CDK8: variants seen among roughly 807,000 people sequenced by gnomAD.
CDK8 encodes cyclin dependent kinase 8, also known as cyclin-dependent kinase 8.
A neutral mutation model predicts 71.5 loss-of-function variants in CDK8; 29 were observed. That is an observed-to-expected ratio of 0.41 (90% CI 0.30 to 0.55). The LOEUF (loss-of-function observed/expected upper bound fraction) is 0.55, where lower values mean the gene tolerates loss of function less well. CDK8 is among the 20% of genes least tolerant of loss of function. The pLI, the probability that CDK8 is intolerant of heterozygous loss-of-function variation, is 0.37. For synonymous variants in CDK8, 161 were observed against 192.1 expected (o/e 0.84, Z 1.34); for missense variants, 288 against 572.6 (o/e 0.50, Z 5.07).
At chr13:26,321,947 A>T (rs577050663) in intron 1 of CDK8, among the ~76,000 whole-genome samples, 9 of 152,182 alleles carry the variant, frequency 5.9e-5, no homozygotes, top group Non-Finnish European at 1.2e-4. Context: ...TATATAAATA[A>T]TTGCAGAGCG....
intron 1 of CDK8, among the ~76,000 whole-genome samples, chr13:26,334,593 T>G (rs1171534721): frequency 6.6e-6 from 1 of 152,142 alleles, no homozygotes; most frequent in Non-Finnish European, 1.5e-5. Flanking sequence ...AAAACAAATT[T>G]TTTTCCAGAA....
chr13:26,271,000 A>G (rs1275071590), intron 1 of CDK8, among the ~76,000 whole-genome samples: 1 of 152,146 alleles, frequency 6.6e-6, no homozygotes, highest in Non-Finnish European at 1.5e-5. Context: ...CTTTTTGATA[A>G]TAGACATCCT....
intron 1 of CDK8, among the ~76,000 whole-genome samples, chr13:26,263,769 C>A (rs1183298998): frequency 7.9e-6 from 1 of 127,284 alleles, no homozygotes; most frequent in Non-Finnish European, 1.6e-5. Context: ...TTTTTCGAGA[C>A]GGAGTCTCGC....
chr13:26,286,416 G>A (rs1873023380), intron 1 of CDK8, among the ~76,000 whole-genome samples: 1 of 152,122 alleles, frequency 6.6e-6, no homozygotes, highest in Admixed American at 6.5e-5. Context: ...ATGGGGAAAG[G>A]ACATCCCATT....
chr13:26,342,507 A>AT (rs1165198866), intron 2 of CDK8, among the ~76,000 whole-genome samples: 1 of 152,174 alleles, frequency 6.6e-6, no homozygotes, highest in African/African-American at 2.4e-5. Context: ...CAGTTTTCCC[A>AT]TTTGTAAAAT....
intron 1 of CDK8, among the ~76,000 whole-genome samples, chr13:26,300,289 G>A (rs886584487): frequency 6.6e-6 from 1 of 152,034 alleles, no homozygotes; most frequent in African/African-American, 2.4e-5. Context: ...TGATAACCAA[G>A]ACAGCTACTA....
intron 1 of CDK8, among the ~76,000 whole-genome samples, chr13:26,280,691 C>T (rs1055148612): frequency 4.6e-5 from 7 of 152,168 alleles, no homozygotes; most frequent in African/African-American, 1.4e-4. Context: ...TATTGATATG[C>T]GAGATTTCCT....
chr13:26,318,502 T>C (rs939190284), intron 1 of CDK8, among the ~76,000 whole-genome samples: 1 of 152,074 alleles, frequency 6.6e-6, no homozygotes, highest in African/African-American at 2.4e-5. Context: ...CAGACCAATA[T>C]CTCTTGTGAT....
At chr13:26,281,081 G>C (rs1404417679) in intron 1 of CDK8, among the ~76,000 whole-genome samples, 1 of 152,244 alleles carries the variant, frequency 6.6e-6, no homozygotes, top group Non-Finnish European at 1.5e-5. Flanking sequence ...CTTCAAGGTA[G>C]GAGAAAACAA....
chr13:26,352,020 A>G (rs1873698766), intron 3 of CDK8, among the ~76,000 whole-genome samples: 1 of 152,128 alleles, frequency 6.6e-6, no homozygotes, highest in Non-Finnish European at 1.5e-5. Flanking sequence ...TACTCTAATG[A>G]AAGTGTACAT....
chr13:26,388,231 T>C (rs1036691776), intron 6 of CDK8, among the ~76,000 whole-genome samples: 3 of 152,250 alleles, frequency 2.0e-5, no homozygotes, highest in Non-Finnish European at 2.9e-5. Context: ...ATAAGTCAGT[T>C]AGATATGGGA....
intron 3 of CDK8, among the ~76,000 whole-genome samples, chr13:26,352,972 A>G (rs1263775590): frequency 1.3e-5 from 2 of 152,174 alleles, no homozygotes; most frequent in Non-Finnish European, 2.9e-5. Context: ...AGGTTCAGGG[A>G]TATGTACAGT....
Position 26,404,701 on chromosome 13 carries a change from A to G in CDK8, c.*620A>G. 1 of 228,296 alleles carries G rather than the reference A, an allele frequency of 4.4e-6. No homozygotes were observed. Among genetic ancestry groups the G allele is most frequent in the Non-Finnish European group, 8.7e-6 (1 of 115,080 alleles). The allele number at this position is 228,296 out of a possible 1,614,324, so 14.1% of individuals were successfully genotyped here. ...TTCCAGAAAGGTTTCAAAACTCCCA[A>G]AGATTAACTTCCAACTTATAAGTTT... On this transcript the variant is annotated 3_prime_UTR_variant, in exon 13 of 13. Coordinates refer to ENST00000381527, the MANE Select transcript of CDK8 (RefSeq NM_001260.3).
At chr13:26,317,001 A>G (rs550649166) in intron 1 of CDK8, among the ~76,000 whole-genome samples, 1 of 152,308 alleles carries the variant, frequency 6.6e-6, no homozygotes, top group African/African-American at 2.4e-5. Context: ...AATGTCAATT[A>G]AGAGATAGAA....
At chr13:26,403,853 A>C in intron 12 of CDK8, 103 bp from the exon 13 acceptor site, 1 of 1,397,770 alleles carries the variant, frequency 7.2e-7, no homozygotes, top group Non-Finnish European at 9.8e-7. Context: ...CAAAACCTAT[A>C]CATCCTTTCT....
At chr13:26,287,804 T>C (rs1326144467) in intron 1 of CDK8, among the ~76,000 whole-genome samples, 1 of 152,178 alleles carries the variant, frequency 6.6e-6, no homozygotes, top group East Asian at 1.9e-4. Flanking sequence ...CCATATGACA[T>C]GTAAAATAAT....
chr13:26,358,260 C>T lies in CDK8; in HGVS notation c.456+4380C>T, dbSNP rs544855995. Among the ~76,000 whole-genome samples the T allele has an allele frequency of 6.8e-3, 1,032 of 152,138 alleles. 8 individuals are homozygous for T. The highest frequency in any genetic ancestry group is 0.024 in the Middle Eastern group (7 of 294). On this transcript the variant is annotated intron_variant, in intron 4 of 12. Coordinates refer to ENST00000381527, the MANE Select transcript of CDK8 (RefSeq NM_001260.3). Reference sequence around the variant, plus strand: ...CTTGCAGTGAGCTGGGATCGCGCCACTGCACTCCAGCCTGGGCAACAGAGC... The same window carrying T: ...CTTGCAGTGAGCTGGGATCGCGCCATTGCACTCCAGCCTGGGCAACAGAGC...
chr13:26,342,948 G>T (rs1047399181), intron 2 of CDK8, among the ~76,000 whole-genome samples: 1 of 152,080 alleles, frequency 6.6e-6, no homozygotes, highest in Admixed American at 6.5e-5. Context: ...CTTGCAGATA[G>T]CCTCCTTCTT....
Position 26,405,115 on chromosome 13 carries a change from A to G in CDK8, c.*1034A>G, listed in dbSNP as rs939003351. 1.1e-5 allele frequency: 2 copies of G among 180,030 alleles called. No homozygotes were observed. Among genetic ancestry groups the G allele is most frequent in the Non-Finnish European group, 2.4e-5 (2 of 84,150 alleles). 11.2% of individuals were successfully genotyped at this position (180,030 alleles called of 1,614,324 possible). The stretch of plus-strand genomic sequence containing the variant: ...AGAATTTTTGAGGAAAAAAAAACCT[A>G]TAACATACAATGTACTGTATCAAAC... On this transcript the variant is annotated 3_prime_UTR_variant, in exon 13 of 13. Coordinates refer to ENST00000381527, the MANE Select transcript of CDK8 (RefSeq NM_001260.3).
Sources: gnomAD v4.1 joint callset for allele counts (sites outside exome capture counted in the v4.1 genomes callset) on GRCh38, gnomAD v4.1.1 for gene constraint, MANE v1.5 for transcripts, NCBI Gene and HGNC (gene_info 2026-07-23, HGNC 2026-07-21) for gene names.